Variants in R3HDM1 observed in about 807,000 individuals in gnomAD.
The protein encoded by R3HDM1 is R3H domain-containing protein 1.
Under a neutral mutation model 141.1 loss-of-function variants are expected in R3HDM1, and 46 were observed. That is an observed-to-expected ratio of 0.33 (90% CI 0.26 to 0.42). R3HDM1 has a LOEUF of 0.42. Among genes scored for constraint, R3HDM1 ranks in the 10% least tolerant of loss-of-function variants. The pLI is 1.00. For missense variants in R3HDM1, 1,184 were observed against 1,368.3 expected, an observed-to-expected ratio of 0.87 and a Z score of 2.12; for synonymous variants, 435 against 472.9, an observed-to-expected ratio of 0.92 and a Z score of 1.04.
Position 135,604,955 on chromosome 2 carries a change from A to G in R3HDM1, c.110A>G (p.Asn37Ser). The G allele has an allele frequency of 6.2e-7, 1 of 1,612,582 alleles. No homozygotes were observed. Among genetic ancestry groups the G allele is most frequent in the Non-Finnish European group, 8.5e-7 (1 of 1,178,912 alleles). The part of the protein sequence containing the change: ...TRVENLIKSE[N>S]YGKILVEKNE... ...GTTGAAAATCTTATCAAATCAGAAAACTATGGGAAGATTTTGGTAGAGAAG... is the reference window on the plus strand; with the variant it reads ...GTTGAAAATCTTATCAAATCAGAAAGCTATGGGAAGATTTTGGTAGAGAAG... Residue 37 changes from asparagine to serine, a missense_variant, in exon 3 of 27, where the codon AAC becomes AGC. Transcript: ENST00000683871.
intron 25 of R3HDM1, 61 bp downstream of exon 25, chr2:135,722,067 T>G: frequency 6.6e-7 from 1 of 1,521,226 alleles, no homozygotes; most frequent in Non-Finnish European, 9.1e-7. Context: ...CCTCAGAGTG[T>G]AAGGGGCAAC....
chr2:135,637,922 A>G (rs1419736748), intron 11 of R3HDM1, among the ~76,000 whole-genome samples: 12 of 152,114 alleles, frequency 7.9e-5, no homozygotes, highest in Admixed American at 7.9e-4. Flanking sequence ...ACTTTTTGCT[A>G]CTCAAACGTG....
intron 19 of R3HDM1, chr2:135,665,379 A>C (rs768914166): frequency 2.7e-5 from 14 of 524,016 alleles, no homozygotes; most frequent in Middle Eastern, 3.2e-4. Context: ...AATATTTTGC[A>C]ATAATTGGCC....
chr2:135,642,959 A>G (rs1381247295), intron 15 of R3HDM1, among the ~76,000 whole-genome samples: 1 of 152,134 alleles, frequency 6.6e-6, no homozygotes, highest in African/African-American at 2.4e-5. Flanking sequence ...TTTATCCAGC[A>G]AGATGTAAGA....
At chr2:135,717,317 C>G (rs956984328) in intron 24 of R3HDM1, among the ~76,000 whole-genome samples, 1 of 152,010 alleles carries the variant, frequency 6.6e-6, no homozygotes, top group Non-Finnish European at 1.5e-5. Flanking sequence ...AACCCCATCT[C>G]TACTAAAAAT....
chr2:135,594,978 C>CCCG (rs1553550340), intron 1 of R3HDM1, among the ~76,000 whole-genome samples: 1 of 83,668 alleles, frequency 1.2e-5, no homozygotes, highest in Admixed American at 1.4e-4. Context: ...GGATTCTACA[C>CCCG]CCCCCCCCCT....
At chr2:135,542,900 C>T (rs1697920370) in intron 1 of R3HDM1, among the ~76,000 whole-genome samples, 1 of 152,080 alleles carries the variant, frequency 6.6e-6, no homozygotes, top group Admixed American at 6.6e-5. Context: ...CACCATGCTG[C>T]TAGTATTTAT....
chr2:135,656,616 G>C (rs1386713147), intron 18 of R3HDM1: 1 of 145,368 alleles, frequency 6.9e-6, no homozygotes, highest in Non-Finnish European at 1.5e-5. Context: ...TAGGGAATGT[G>C]TTACGTACCT....
At chr2:135,693,435 C>T (rs181356955) in intron 21 of R3HDM1, among the ~76,000 whole-genome samples, 1 of 151,414 alleles carries the variant, frequency 6.6e-6, no homozygotes, top group Admixed American at 6.6e-5. Context: ...TGGAAGCCAA[C>T]ATACAAGGAG....
chr2:135,546,727 A>C (rs1698769640), intron 1 of R3HDM1, among the ~76,000 whole-genome samples: 1 of 152,198 alleles, frequency 6.6e-6, no homozygotes, highest in African/African-American at 2.4e-5. Flanking sequence ...GCTGGAGTGC[A>C]GTGTCACTAT....
chr2:135,608,248 G>C (rs376460856), intron 3 of R3HDM1, among the ~76,000 whole-genome samples: 6 of 152,070 alleles, frequency 3.9e-5, no homozygotes, highest in African/African-American at 1.2e-4. Flanking sequence ...CCCAGGAGGC[G>C]GAGGTTGCAG....
In R3HDM1 at chr2:135,573,200, T is replaced by G. The variant is rs114177182; in HGVS notation, c.-249-29300T>G. 2.8e-3 allele frequency among the ~76,000 whole-genome samples: 421 copies of G among 152,336 alleles called. 2 individuals are homozygous for G. Among genetic ancestry groups the G allele is most frequent in the African/African-American group, 9.5e-3 (397 of 41,576 alleles). ...CCAAAAGAAAATTTTCAAGGAGGAC[T>G]TCCAAATAGCTAAAGACAGTAGTGG... On this transcript the variant is annotated intron_variant, in intron 1 of 26. Coordinates refer to ENST00000683871, the MANE Select transcript of R3HDM1 (RefSeq NM_001378107.1).
intron 1 of R3HDM1, among the ~76,000 whole-genome samples, chr2:135,588,828 T>G (rs1277960010): frequency 1.3e-5 from 2 of 152,198 alleles, no homozygotes; most frequent in African/African-American, 4.8e-5. Context: ...ATGGGTAAAC[T>G]TGTATTTAAA....
chr2:135,648,484 C>T lies in R3HDM1; in HGVS notation c.1624-1418C>T, dbSNP rs190788210. Among the ~76,000 whole-genome samples, 19 of 152,232 alleles carry T rather than the reference C, an allele frequency of 1.2e-4. No homozygotes were observed. The East Asian group carries it at 3.3e-3, about 26-fold the overall frequency. On this transcript the variant is annotated intron_variant, in intron 16 of 26. Coordinates refer to ENST00000683871, the MANE Select transcript of R3HDM1 (RefSeq NM_001378107.1). ...TTTAAAGTATTGTCTCTGAAGACAA[C>T]ATGCAGAGATATTGTTCAGAAGGAG...
chr2:135,595,273 C>A (rs1443483729), intron 1 of R3HDM1, among the ~76,000 whole-genome samples: 1 of 152,192 alleles, frequency 6.6e-6, no homozygotes, highest in Admixed American at 6.5e-5. Context: ...TTCAGTGTGT[C>A]CTCTCATAAC....
rs546843614 is a variant in R3HDM1, at chr2:135,664,971, T to A, written c.2152+3578T>A. On this transcript the variant is annotated intron_variant, in intron 19 of 26. Coordinates refer to ENST00000683871, the MANE Select transcript of R3HDM1 (RefSeq NM_001378107.1). ...AAAGTATGGAATTTTTACTGTGTTG[T>A]CTGTTGAAGCCTCTGTGTACTGTAA... is the stretch of plus-strand genomic sequence containing the variant. Among the ~76,000 whole-genome samples the A allele has an allele frequency of 2.6e-5, 4 of 152,364 alleles. No homozygotes were observed. The South Asian group carries it at 8.3e-4, about 32-fold the overall frequency.
At chr2:135,539,487 A>C (rs1176153850) in intron 1 of R3HDM1, among the ~76,000 whole-genome samples, 1 of 152,182 alleles carries the variant, frequency 6.6e-6, no homozygotes, top group Non-Finnish European at 1.5e-5. Flanking sequence ...CTGAAATGTC[A>C]TTATGCAGTG....
At chr2:135,565,839 G>A (rs1702670322) in intron 1 of R3HDM1, 1 of 152,862 alleles carries the variant, frequency 6.5e-6, no homozygotes, top group Non-Finnish European at 1.5e-5. Context: ...GTCCGGTGGA[G>A]TCAAAGGAAT....
At chr2:135,648,267 C>G (rs962554403) in intron 16 of R3HDM1, among the ~76,000 whole-genome samples, 1 of 151,654 alleles carries the variant, frequency 6.6e-6, no homozygotes, top group African/African-American at 2.4e-5. Context: ...GATTTTTTTG[C>G]TTTCTTTTAA....
Sources: gnomAD v4.1 joint callset for allele counts (sites outside exome capture counted in the v4.1 genomes callset) on GRCh38, gnomAD v4.1.1 for gene constraint, MANE v1.5 for transcripts, NCBI Gene and HGNC (gene_info 2026-07-23, HGNC 2026-07-21) for gene names.